PEPD: variants seen among roughly 807,000 people sequenced by gnomAD.
PEPD encodes the protein xaa-Pro dipeptidase.
PEPD carries 53 observed loss-of-function variants against 60.7 expected under a neutral mutation model. That is an observed-to-expected ratio of 0.87 (90% confidence interval 0.70 to 1.10). The LOEUF is 1.10. Among genes scored for constraint, PEPD ranks in the 50% least tolerant of loss-of-function variants. The probability of loss-of-function intolerance (pLI) is 0.00; values close to 1 mark genes in which losing one functional copy is unlikely to be tolerated. For missense variants in PEPD, 711 were observed against 711.9 expected (o/e 1.00, Z 0.01); for synonymous variants, 267 against 284.1 (o/e 0.94, Z 0.60).
At chr19:33,467,587 C>T (rs1242678480) in intron 7 of PEPD, among the ~76,000 whole-genome samples, 1 of 152,024 alleles carries the variant, frequency 6.6e-6, no homozygotes, top group African/African-American at 2.4e-5. Context: ...CTAAAGGAGG[C>T]TCAAATGTAG....
intron 3 of PEPD, among the ~76,000 whole-genome samples, chr19:33,504,626 T>C (rs927475798): frequency 6.6e-6 from 1 of 151,516 alleles, no homozygotes; most frequent in Non-Finnish European, 1.5e-5. Context: ...ATTAGCTGGG[T>C]GTGGTGGCTG....
At chr19:33,442,724 T>G (rs927701507) in intron 9 of PEPD, among the ~76,000 whole-genome samples, 2 of 151,508 alleles carry the variant, frequency 1.3e-5, no homozygotes, top group Non-Finnish European at 2.9e-5. Flanking sequence ...ATAAATAAAT[T>G]AATTAAATAA....
In PEPD at chr19:33,489,961, G is replaced by A. The variant is rs752705790; in HGVS notation, c.503+35C>T. The A allele has an allele frequency of 3.0e-6, 4 of 1,327,342 alleles. No individual in the cohort carries two copies. In the Admixed American group the frequency reaches 7.2e-5, roughly 24 times the overall value. 82.2% of individuals were successfully genotyped at this position (1,327,342 alleles called of 1,614,324 possible). ...GCTAGTGAAGGTGGGAGTGGGGGAT[G>A]GTGGGGAAAGAGTCCCTGGGGGCCC... On this transcript the variant is annotated intron_variant, in intron 6 of 14. Coordinates refer to ENST00000244137, the MANE Select transcript of PEPD (RefSeq NM_000285.4).
intron 9 of PEPD, among the ~76,000 whole-genome samples, chr19:33,444,357 C>A (rs887163784): frequency 6.6e-6 from 1 of 152,036 alleles, no homozygotes; most frequent in Non-Finnish European, 1.5e-5. Context: ...GGCAGAGCCT[C>A]AGAGGTTTAA....
chr19:33,387,807 C>T (rs1968110691), intron 14 of PEPD, 83 bp downstream of exon 14: 4 of 1,176,212 alleles, frequency 3.4e-6, no homozygotes, highest in South Asian at 1.3e-5. Flanking sequence ...CACTAGGGCC[C>T]CTGTCTTGGG....
At chr19:33,515,194 A>G (rs1474633302) in intron 1 of PEPD, among the ~76,000 whole-genome samples, 1 of 152,158 alleles carries the variant, frequency 6.6e-6, no homozygotes, top group Non-Finnish European at 1.5e-5. Context: ...GGGGCCACAC[A>G]CACAGCTGTG....
rs553987333 is a variant in PEPD, at chr19:33,418,014, G to A, written c.672-4371C>T. Among the ~76,000 whole-genome samples, 4 of 152,292 alleles carry A rather than the reference G, an allele frequency of 2.6e-5. No individual in the cohort carries two copies. In the East Asian group the frequency reaches 7.7e-4, roughly 29 times the overall value. ...AGACAGGCTTCTGGCTGGACAGAGG[G>A]GGCCTGTGCCCACCATCCCTTCACA... On this transcript the variant is annotated intron_variant, in intron 9 of 14. Coordinates refer to ENST00000244137, the MANE Select transcript of PEPD (RefSeq NM_000285.4).
chr19:33,444,489 A>G (rs1037571627), intron 9 of PEPD, among the ~76,000 whole-genome samples: 39 of 151,744 alleles, frequency 2.6e-4, no homozygotes, highest in African/African-American at 8.2e-4. Flanking sequence ...TAGTCTAGAC[A>G]CTGGCTCAAT....
chr19:33,496,898 C>G (rs945452021), intron 4 of PEPD, among the ~76,000 whole-genome samples: 1 of 152,250 alleles, frequency 6.6e-6, no homozygotes, highest in Non-Finnish European at 1.5e-5. Context: ...CCGAGGGCCG[C>G]TTTTCGCAGG....
intron 9 of PEPD, among the ~76,000 whole-genome samples, chr19:33,446,881 C>T (rs544307634): frequency 1.3e-5 from 2 of 152,244 alleles, no homozygotes; most frequent in African/African-American, 2.4e-5. Context: ...CCACGAAGGG[C>T]ATCTAGCCCC....
chr19:33,431,216 G>A (rs1050018766), intron 9 of PEPD, among the ~76,000 whole-genome samples: 5 of 147,462 alleles, frequency 3.4e-5, no homozygotes, highest in Admixed American at 2.7e-4. Context: ...GGGAGGGAGG[G>A]AAGGAGGGCA....
intron 4 of PEPD, among the ~76,000 whole-genome samples, chr19:33,494,381 T>C (rs1451759036): frequency 6.6e-6 from 1 of 152,268 alleles, no homozygotes; most frequent in African/African-American, 2.4e-5. Context: ...ATAGACATTT[T>C]GATAAGTTTT....
At chr19:33,470,752 C>G (rs1326778530) in intron 7 of PEPD, among the ~76,000 whole-genome samples, 1 of 152,138 alleles carries the variant, frequency 6.6e-6, no homozygotes, top group East Asian at 1.9e-4. Flanking sequence ...GGCCTCATTT[C>G]AAAGAGAAAA....
chr19:33,498,357 C>T (rs1037891031), intron 4 of PEPD, among the ~76,000 whole-genome samples: 3 of 152,222 alleles, frequency 2.0e-5, no homozygotes, highest in Admixed American at 6.5e-5. Flanking sequence ...TGCTGTCATT[C>T]TGTGCAACCA....
At chr19:33,397,372 T>C (rs1167530511) in intron 12 of PEPD, among the ~76,000 whole-genome samples, 1 of 145,738 alleles carries the variant, frequency 6.9e-6, no homozygotes, top group Non-Finnish European at 1.5e-5. Flanking sequence ...GGTGGGGTGT[T>C]TGTCTTGGCC....
At chr19:33,391,583 G>A in intron 12 of PEPD, 104 bp from the exon 13 acceptor site, 1 of 1,081,680 alleles carries the variant, frequency 9.2e-7, no homozygotes, top group Non-Finnish European at 1.4e-6. Context: ...GTGGTGGGAG[G>A]GCCTGAGGTG....
At chr19:33,514,918 C>T (rs1287851817) in intron 1 of PEPD, among the ~76,000 whole-genome samples, 1 of 152,112 alleles carries the variant, frequency 6.6e-6, no homozygotes, top group Non-Finnish European at 1.5e-5. Flanking sequence ...GTATCGTCCC[C>T]TCTCTCAACT....
intron 9 of PEPD, among the ~76,000 whole-genome samples, chr19:33,459,765 C>T: frequency 6.6e-6 from 1 of 152,054 alleles, no homozygotes; most frequent in East Asian, 1.9e-4. Context: ...GTCCAGGCCA[C>T]CATCGCTTGA....
chr19:33,482,584 G>A (rs1340241681), intron 6 of PEPD, among the ~76,000 whole-genome samples: 4 of 152,192 alleles, frequency 2.6e-5, no homozygotes, highest in African/African-American at 9.7e-5. Context: ...CTCTGTACTG[G>A]AGGTTCTAGC....
Sources: gnomAD v4.1 joint callset for allele counts (sites outside exome capture counted in the v4.1 genomes callset) on GRCh38, gnomAD v4.1.1 for gene constraint, MANE v1.5 for transcripts, NCBI Gene and HGNC (gene_info 2026-07-23, HGNC 2026-07-21) for gene names.